Variants in PDPR observed in about 807,000 individuals in gnomAD.
PDPR encodes pyruvate dehydrogenase phosphatase regulatory subunit.
In PDPR, 50 loss-of-function variants were observed where a neutral mutation model predicts 102.2. That is an observed-to-expected ratio of 0.49 (90% confidence interval 0.39 to 0.62). PDPR has a LOEUF of 0.62. Among genes scored for constraint, PDPR ranks in the 20% least tolerant of loss-of-function variants. PDPR has a pLI of 0.00. For missense variants in PDPR, 625 were observed against 1,098.2 expected (o/e 0.57, Z 6.09); for synonymous variants, 259 against 406.0 (o/e 0.64, Z 4.35).
chr16:70,154,944 T>C (rs367841902), intron 18 of PDPR, among the ~76,000 whole-genome samples: 7 of 152,320 alleles, frequency 4.6e-5, no homozygotes, highest in African/African-American at 1.7e-4. Flanking sequence ...CGGCCTAATT[T>C]TTTTGGTTTT....
At position 70,114,867 on chromosome 16, in the gene PDPR, T is replaced by C. The variant is rs1394984120; in HGVS notation, c.-96T>C. On this transcript the variant is annotated 5_prime_UTR_variant, in exon 2 of 19. Transcript: ENST00000288050. Reference sequence around the variant, plus strand: ...GAGACGTGCGGTCCGCTTGTGCTTTTAGAACTAAAGACTGCTGCAGAGTCC... The same window carrying C: ...GAGACGTGCGGTCCGCTTGTGCTTTCAGAACTAAAGACTGCTGCAGAGTCC... The C allele has an allele frequency of 2.0e-5, 3 of 152,304 alleles. 1 individual carries two copies. Among genetic ancestry groups the C allele is most frequent in the Non-Finnish European group, 4.4e-5 (3 of 68,124 alleles). 9.4% of individuals were successfully genotyped at this position (152,304 alleles called of 1,614,324 possible).
In PDPR at chr16:70,116,140, C is replaced by T. The variant is rs564201484; in HGVS notation, c.-33+1210C>T. Among the ~76,000 whole-genome samples the T allele has an allele frequency of 1.6e-3, 244 of 148,034 alleles. 2 individuals are homozygous for T. The highest frequency in any genetic ancestry group is 0.01 in the Middle Eastern group (3 of 294). ...TCACTGTGTCACCCAGGCAGTGGCG[C>T]GAATCTGCCCACTGCAGCCTCCATC... On this transcript the variant is annotated intron_variant, in intron 2 of 18. Coordinates refer to ENST00000288050, the MANE Select transcript of PDPR (RefSeq NM_017990.5).
intron 15 of PDPR, among the ~76,000 whole-genome samples, chr16:70,145,248 C>T (rs1238090190): frequency 6.6e-6 from 1 of 152,224 alleles, no homozygotes; most frequent in African/African-American, 2.4e-5. Flanking sequence ...AGCGATTCTT[C>T]TGCCTCAGCC....
chr16:70,145,064 C>T (rs1357436235), intron 15 of PDPR, among the ~76,000 whole-genome samples: 1 of 151,684 alleles, frequency 6.6e-6, no homozygotes, highest in Non-Finnish European at 1.5e-5. Flanking sequence ...ACCAGCCTGG[C>T]CAACATGGTG....
intron 18 of PDPR, 51 bp from the exon 19 acceptor site, chr16:70,156,424 G>A: frequency 6.3e-7 from 1 of 1,597,152 alleles, no homozygotes; most frequent in Non-Finnish European, 8.5e-7. Flanking sequence ...TGCTCTCTGT[G>A]CCGAGGGTCT....
chr16:70,153,905 C>A (rs1414184373), intron 18 of PDPR, among the ~76,000 whole-genome samples: 2 of 152,202 alleles, frequency 1.3e-5, no homozygotes, highest in Admixed American at 6.5e-5. Context: ...GTAGGCCGGG[C>A]ACGGTGGCTC....
chr16:70,155,544 G>A (rs1332099433), intron 18 of PDPR, among the ~76,000 whole-genome samples: 2 of 152,240 alleles, frequency 1.3e-5, no homozygotes, highest in African/African-American at 4.8e-5. Flanking sequence ...AGCATGAGAA[G>A]GCATTTTTGT....
chr16:70,147,692 T>C (rs1966350652), intron 16 of PDPR: 1 of 432,684 alleles, frequency 2.3e-6, no homozygotes, highest in East Asian at 7.2e-5. Context: ...TGATGGAGAC[T>C]CTTTGAAGTT....
rs1203803451 is a variant in PDPR at position 70,153,396 on chromosome 16, C to A, written c.2058C>A (p.Ala686=). 6.2e-7 allele frequency: 1 copy of A among 1,612,962 alleles called. No homozygotes were observed. The highest frequency in any genetic ancestry group is 1.7e-5 in the Admixed American group (1 of 59,768). The change falls in exon 18 of 19, where the codon GCC becomes GCA. Residue 686 remains alanine (A), a synonymous_variant. Transcript: ENST00000288050. Reference sequence around the variant, plus strand: ...CTTTCTGTCTCTTCCTATAGTACGCCCTGCATGTATACAATGAAGTGATGA... The same window carrying A: ...CTTTCTGTCTCTTCCTATAGTACGCACTGCATGTATACAATGAAGTGATGA... ...GFMLYIPIEY[A]LHVYNEVMSV...
intron 10 of PDPR, among the ~76,000 whole-genome samples, chr16:70,137,049 T>G (rs556451951): frequency 2.0e-4 from 30 of 152,292 alleles, no homozygotes; most frequent in African/African-American, 7.0e-4. Flanking sequence ...GCCACAAGTT[T>G]TTATTTAAAA....
intron 16 of PDPR, among the ~76,000 whole-genome samples, chr16:70,148,085 C>G (rs1337318872): frequency 6.6e-6 from 1 of 152,246 alleles, no homozygotes; most frequent in African/African-American, 2.4e-5. Context: ...TGGCAGGCGG[C>G]CAGGGTTTGT....
intron 3 of PDPR, among the ~76,000 whole-genome samples, chr16:70,125,313 T>G (rs1369053577): frequency 1.3e-5 from 2 of 152,124 alleles, no homozygotes; most frequent in Non-Finnish European, 2.9e-5. Flanking sequence ...GAGGTGGAGG[T>G]TGCGGTGAGC....
rs1330628991 is a variant in PDPR, at chr16:70,125,358, G to A, written c.228-1902G>A. On this transcript the variant is annotated intron_variant, in intron 3 of 18. Transcript: ENST00000288050. ...GCCATTGCACTCCAATCTGAGTGAC[G>A]AGCAAAACTCCGTCTCTAAAAAAAC... 6.0e-5 allele frequency among the ~76,000 whole-genome samples: 9 copies of A among 150,518 alleles called. No homozygotes were observed. In the South Asian group the frequency reaches 6.3e-4, roughly 10 times the overall value.
Position 70,157,696 on chromosome 16 carries a change from G to C in PDPR, c.*817G>C, listed in dbSNP as rs1178946083. On this transcript the variant is annotated 3_prime_UTR_variant, in exon 19 of 19. Transcript: ENST00000288050. ...GTGTGTTGCTTTTCCCAGTCAAAAGGGTCTGACCTTAGAAAGTCCCCACCA... is the reference window on the plus strand; with the variant it reads ...GTGTGTTGCTTTTCCCAGTCAAAAGCGTCTGACCTTAGAAAGTCCCCACCA... 6.2e-6 allele frequency: 1 copy of C among 161,216 alleles called. No individual in the cohort carries two copies. Among genetic ancestry groups the C allele is most frequent in the Non-Finnish European group, 1.4e-5 (1 of 73,378 alleles). 10.0% of individuals were successfully genotyped at this position (161,216 alleles called of 1,614,324 possible).
Position 70,160,746 on chromosome 16 carries a change from T to C in PDPR, c.*3867T>C, listed in dbSNP as rs1389392364. ...CCACAGTATATTACCTGCCGTTGCA[T>C]GCATTTGAAAGTTAGCCTCCTCCCT... On this transcript the variant is annotated 3_prime_UTR_variant, in exon 19 of 19. Coordinates refer to ENST00000288050, the MANE Select transcript of PDPR (RefSeq NM_017990.5). The C allele has an allele frequency of 6.6e-6, 1 of 152,470 alleles. No homozygotes were observed. The highest frequency in any genetic ancestry group is 1.5e-5 in the Non-Finnish European group (1 of 68,142). 9.4% of individuals were successfully genotyped at this position (152,470 alleles called of 1,614,324 possible). A position where few individuals can be genotyped will look rare whatever the true frequency, so the allele number is the denominator to read the frequency against.
chr16:70,161,341 A>C lies in PDPR; in HGVS notation c.*4462A>C, dbSNP rs919996931. 5 of 154,030 alleles carry C rather than the reference A, an allele frequency of 3.2e-5. No individual in the cohort carries two copies. The highest frequency in any genetic ancestry group is 7.2e-5 in the African/African-American group (3 of 41,490). 9.5% of individuals were successfully genotyped at this position (154,030 alleles called of 1,614,324 possible). On this transcript the variant is annotated 3_prime_UTR_variant, in exon 19 of 19. Transcript: ENST00000288050. ...TGGTCAACAGTGCTTAATAATAAAT[A>C]AGAACCTCCTGCCATTCTAATTTTC...
At chr16:70,130,827 A>G (rs948774949) in intron 7 of PDPR, among the ~76,000 whole-genome samples, 2 of 152,286 alleles carry the variant, frequency 1.3e-5, no homozygotes, top group Non-Finnish European at 2.9e-5. Context: ...TTGATGTTAC[A>G]TTTCATTCTA....
Position 70,128,661 on chromosome 16 carries a change from A to C in PDPR, c.362-123A>C. ...TCAGAGAAGCTGATTTACCTGCCCA[A>C]GGATATTGAGTGGCAGTCCCAGGAT... On this transcript the variant is annotated intron_variant, in intron 4 of 18. Transcript: ENST00000288050. 18 of 1,555,830 alleles carry C rather than the reference A, an allele frequency of 1.2e-5. No individual in the cohort carries two copies. The South Asian group carries it at 2.0e-4, about 17-fold the overall frequency.
downstream of PDPR, among the ~76,000 whole-genome samples, chr16:70,163,103 C>A (rs1385090126): frequency 6.6e-6 from 1 of 152,252 alleles, no homozygotes. Flanking sequence ...CACGCGCCAC[C>A]ATGCCCAGCT....
Sources: gnomAD v4.1 joint callset for allele counts (sites outside exome capture counted in the v4.1 genomes callset) on GRCh38, gnomAD v4.1.1 for gene constraint, MANE v1.5 for transcripts, NCBI Gene and HGNC (gene_info 2026-07-23, HGNC 2026-07-21) for gene names.